The following SCHIP1 variants were observed in gnomAD, a reference collection of about 807,000 sequenced individuals.
The protein encoded by SCHIP1 is schwannomin interacting protein 1.
SCHIP1 carries 8 observed loss-of-function variants against 29.7 expected under a neutral mutation model. The observed-to-expected ratio is 0.27, with a 90% CI of 0.16 to 0.49. The LOEUF (loss-of-function observed/expected upper bound fraction) is 0.49, where lower values mean the gene tolerates loss of function less well. SCHIP1 is among the 20% of genes least tolerant of loss of function. The pLI is 0.99. For synonymous variants in SCHIP1, 76 were observed against 94.9 expected (o/e 0.80, Z 1.16); for missense variants, 193 against 294.6 (o/e 0.66, Z 2.52).
At chr3:159,369,381 A>ACTT in the SCHIP1 span, among the ~76,000 whole-genome samples, 1 of 152,080 alleles carries the variant, frequency 6.6e-6, no homozygotes, top group Non-Finnish European at 1.5e-5. Context: ...TATTGGTACT[A>ACTT]CTTCATTGTG....
At chr3:159,432,805 T>C in the SCHIP1 span, among the ~76,000 whole-genome samples, 1 of 152,154 alleles carries the variant, frequency 6.6e-6, no homozygotes, top group Non-Finnish European at 1.5e-5. Context: ...GATAATAGAA[T>C]GGGAAAGGGA....
At chr3:159,416,579 A>G in the SCHIP1 span, among the ~76,000 whole-genome samples, 1 of 152,236 alleles carries the variant, frequency 6.6e-6, no homozygotes, top group Non-Finnish European at 1.5e-5. Flanking sequence ...AAGGAAATCC[A>G]TAAATATTTT....
At chr3:159,396,233 T>A in the SCHIP1 span, among the ~76,000 whole-genome samples, 1 of 151,450 alleles carries the variant, frequency 6.6e-6, no homozygotes, top group Non-Finnish European at 1.5e-5. Flanking sequence ...TGAGATGGGT[T>A]TCCTGAATAC....
chr3:159,897,324 A>T (rs1560101666), exon 7 of SCHIP1: 1 of 152,650 alleles, frequency 6.6e-6, no homozygotes. Context: ...AGTTTTATGT[A>T]TAAATATGTA....
chr3:159,665,638 T>C, the SCHIP1 span, among the ~76,000 whole-genome samples: 1 of 151,916 alleles, frequency 6.6e-6, no homozygotes, highest in Non-Finnish European at 1.5e-5. Context: ...GGTCTCCAGA[T>C]AGGGGAGCCC....
At chr3:159,894,772 CTT>C (rs1380588457) in intron 6 of SCHIP1, 2 of 151,366 alleles carry the variant, frequency 1.3e-5, no homozygotes, top group Non-Finnish European at 2.9e-5. Flanking sequence ...AATAGGGACT[CTT>C]ATATAACTTG....
At chr3:159,543,533 C>A in the SCHIP1 span, among the ~76,000 whole-genome samples, 1 of 151,166 alleles carries the variant, frequency 6.6e-6, no homozygotes, top group African/African-American at 2.5e-5. Flanking sequence ...CATGTCCCTA[C>A]AAAGGACATG....
At chr3:159,859,984 T>C (rs1033176126) in intron 1 of SCHIP1, among the ~76,000 whole-genome samples, 4 of 151,148 alleles carry the variant, frequency 2.6e-5, no homozygotes, top group Non-Finnish European at 5.9e-5. Context: ...AGGGTGTGTG[T>C]GTGTGTGTGT....
At chr3:159,382,596 A>G in the SCHIP1 span, among the ~76,000 whole-genome samples, 4 of 152,088 alleles carry the variant, frequency 2.6e-5, no homozygotes, top group African/African-American at 9.7e-5. Flanking sequence ...TAGCAGCATG[A>G]TTTATAATCC....
At chr3:159,536,750 A>C in the SCHIP1 span, among the ~76,000 whole-genome samples, 4 of 152,186 alleles carry the variant, frequency 2.6e-5, no homozygotes, top group African/African-American at 7.2e-5. Context: ...GCCAGCCCCT[A>C]CTGGCTCATG....
intron 2 of SCHIP1, among the ~76,000 whole-genome samples, chr3:159,882,702 A>G (rs1161754292): frequency 1.3e-5 from 2 of 152,208 alleles, no homozygotes; most frequent in African/African-American, 2.4e-5. Context: ...TTTTTGAGAT[A>G]TTCTATTCAT....
the SCHIP1 span, among the ~76,000 whole-genome samples, chr3:159,389,490 T>C: frequency 6.6e-6 from 1 of 152,174 alleles, no homozygotes; most frequent in East Asian, 1.9e-4. Flanking sequence ...GGTCACTCTT[T>C]AAAATGATCA....
chr3:159,491,613 C>T, the SCHIP1 span, among the ~76,000 whole-genome samples: 3 of 152,222 alleles, frequency 2.0e-5, no homozygotes, highest in Non-Finnish European at 2.9e-5. Flanking sequence ...CCTGGAAATT[C>T]GAACTGGGTG....
At chr3:159,491,310 G>C in the SCHIP1 span, among the ~76,000 whole-genome samples, 2 of 152,200 alleles carry the variant, frequency 1.3e-5, no homozygotes, top group African/African-American at 4.8e-5. Context: ...GCGAGGCATC[G>C]CCTCACCCAG....
chr3:159,626,292 A>T, the SCHIP1 span, among the ~76,000 whole-genome samples: 2 of 143,718 alleles, frequency 1.4e-5, no homozygotes, highest in Non-Finnish European at 3.0e-5. Context: ...AGATAGATAG[A>T]TAGATAGATT....
the SCHIP1 span, among the ~76,000 whole-genome samples, chr3:159,560,403 G>T: frequency 2.0e-5 from 3 of 152,154 alleles, no homozygotes; most frequent in Non-Finnish European, 4.4e-5. Context: ...GCAGGATGTG[G>T]CTTTCCGACC....
the SCHIP1 span, among the ~76,000 whole-genome samples, chr3:159,362,673 G>T: frequency 6.6e-6 from 1 of 152,140 alleles, no homozygotes; most frequent in East Asian, 1.9e-4. Flanking sequence ...AGGAATAGCT[G>T]CCTCTCATAG....
the SCHIP1 span, among the ~76,000 whole-genome samples, chr3:159,724,678 G>A: frequency 3.9e-5 from 6 of 152,204 alleles, no homozygotes; most frequent in African/African-American, 9.6e-5. Context: ...TTGAAATATC[G>A]GGGAGGATGT....
chr3:159,556,088 A>C, the SCHIP1 span, among the ~76,000 whole-genome samples: 2 of 152,082 alleles, frequency 1.3e-5, no homozygotes, highest in Admixed American at 6.6e-5. Flanking sequence ...ACAAACAACC[A>C]CATCAAAAAG....
Sources: gnomAD v4.1 joint callset for allele counts (sites outside exome capture counted in the v4.1 genomes callset) on GRCh38, gnomAD v4.1.1 for gene constraint, MANE v1.5 for transcripts, NCBI Gene and HGNC (gene_info 2026-07-23, HGNC 2026-07-21) for gene names.